The following CCDC92 variants were observed in gnomAD, a reference collection of about 807,000 sequenced individuals.
CCDC92 encodes coiled-coil domain containing 92.
CCDC92 carries 12 observed loss-of-function variants against 24.9 expected under a neutral mutation model. The ratio of observed to expected loss-of-function variants is 0.48; its 90% CI spans 0.31 to 0.78. The LOEUF (loss-of-function observed/expected upper bound fraction) is 0.78, where lower values mean the gene tolerates loss of function less well. Among genes scored for constraint, CCDC92 ranks in the 30% least tolerant of loss-of-function variants. CCDC92 has a pLI of 0.05. For missense variants in CCDC92, 399 were observed against 439.4 expected, an observed-to-expected ratio of 0.91 and a Z score of 0.82; for synonymous variants, 193 against 196.3, an observed-to-expected ratio of 0.98 and a Z score of 0.14.
intron 1 of CCDC92, among the ~76,000 whole-genome samples, chr12:123,964,362 T>A (rs1438597085): frequency 1.3e-5 from 2 of 151,712 alleles, no homozygotes; most frequent in African/African-American, 4.8e-5. Context: ...TCCTTTCATA[T>A]CTATTTTTGT....
chr12:123,937,597 T>G lies in CCDC92; in HGVS notation c.457A>C (p.Ser153Arg), dbSNP rs2137842461. ...LLSSELEQRA[S>R]TIAYLTSQLH... ...TGGGAGGTCAGGTAGGCGATGGTGC[T>G]GGCCCGCTGCTCCAGCTCGCTAGAC... is the stretch of plus-strand genomic sequence containing the variant. The change falls in exon 5 of 5, where the codon AGC becomes CGC. Residue 153 changes from serine (S) to arginine (R), a missense_variant. By Grantham distance (110) the Ser-to-Arg change is moderately radical (BLOSUM62 -1). Coordinates refer to ENST00000238156, the MANE Select transcript of CCDC92 (RefSeq NM_025140.3). The surrounding 1 kb of genome is among the most constrained non-coding windows in gnomAD (Gnocchi z 8.4). The G allele has an allele frequency of 1.9e-6, 3 of 1,613,534 alleles. No homozygotes were observed. Among genetic ancestry groups the G allele is most frequent in the Non-Finnish European group, 2.5e-6 (3 of 1,180,022 alleles).
Position 123,961,757 on chromosome 12 carries a change from A to G in CCDC92, c.-60+10772T>C, listed in dbSNP as rs186903727. Among the ~76,000 whole-genome samples, 79 of 152,330 alleles carry G rather than the reference A, an allele frequency of 5.2e-4. 1 individual carries two copies. Among genetic ancestry groups the G allele is most frequent in the Non-Finnish European group, 8.4e-4 (57 of 68,030 alleles). On this transcript the variant is annotated intron_variant, in intron 1 of 4. Transcript: ENST00000238156. ...CACCTTTTACTGAGGGCTCAGTGCC[A>G]GGCGCCATGCTACGTACTTGATCAA...
At chr12:123,962,891 G>GTT (rs756046412) in intron 1 of CCDC92, 4 of 152,170 alleles carry the variant, frequency 2.6e-5, no homozygotes, top group Admixed American at 6.5e-5. Context: ...GAATTAGCGT[G>GTT]TAAGTTTTCT....
intron 4 of CCDC92, 135 bp downstream of exon 4, chr12:123,942,609 T>C (rs1365549195): frequency 4.0e-6 from 3 of 746,792 alleles, no homozygotes; most frequent in Non-Finnish European, 7.3e-6. Flanking sequence ...CATCTTCTCT[T>C]AGAGAGCTCA....
At chr12:123,957,699 C>CTTTTTTT (rs59738995) in intron 1 of CCDC92, among the ~76,000 whole-genome samples, 2 of 75,884 alleles carry the variant, frequency 2.6e-5, no homozygotes, top group Non-Finnish European at 4.8e-5. Flanking sequence ...TTTTTTCCTT[C>CTTTTTTT]TTTTTTTTTT....
chr12:123,953,773 G>T (rs573955846), intron 1 of CCDC92, among the ~76,000 whole-genome samples: 1 of 130,102 alleles, frequency 7.7e-6, no homozygotes, highest in African/African-American at 2.8e-5. Context: ...GCAAGACTCC[G>T]TCTCAAAAAC....
chr12:123,967,033 TG>T (rs1384870531), intron 1 of CCDC92, among the ~76,000 whole-genome samples: 34 of 152,302 alleles, frequency 2.2e-4, no homozygotes, highest in African/African-American at 7.9e-4. Context: ...ACCTCTGAAC[TG>T]GGTCCTGATA....
At chr12:123,966,382 A>G (rs7974706) in intron 1 of CCDC92, 151,775 of 152,340 alleles carry the variant, frequency 1, 75,608 homozygotes, top group Middle Eastern at 1. Flanking sequence ...AGTAGGCTTC[A>G]GAGGCTTCTG....
rs1175813122 is a variant in CCDC92, at chr12:123,936,677, G to A, written c.*381C>T. On this transcript the variant is annotated 3_prime_UTR_variant, in exon 5 of 5. Transcript: ENST00000238156. ...GCTCGGCCAGGCTGCCCTGGAGCTT[G>A]AGGATAAGGTCAAGGTTGGTATGTG... The A allele has an allele frequency of 4.2e-6, 1 of 238,762 alleles. No individual in the cohort carries two copies. Among genetic ancestry groups the A allele is most frequent in the East Asian group, 1.1e-4 (1 of 9,472 alleles). The allele number at this position is 238,762 out of a possible 1,614,324, so 14.8% of individuals were successfully genotyped here.
rs1956587373 is a variant in CCDC92, at chr12:123,972,612, C to T, written c.-143G>A. On this transcript the variant is annotated 5_prime_UTR_variant, in exon 1 of 5. Transcript: ENST00000238156. The stretch of plus-strand genomic sequence containing the variant: ...GGCGGGCGGCGGTGGGGGCCCGTGG[C>T]CCATGGGCTGGGCGGGGCGCGGCGG... The T allele has an allele frequency of 6.7e-6, 1 of 149,868 alleles. No individual in the cohort carries two copies. Among genetic ancestry groups the T allele is most frequent in the South Asian group, 2.0e-4 (1 of 5,084 alleles). 9.3% of individuals were successfully genotyped at this position (149,868 alleles called of 1,614,324 possible). A position where few individuals can be genotyped will look rare whatever the true frequency, so the allele number is the denominator to read the frequency against.
Position 123,937,635 on chromosome 12 carries a change from T to C in CCDC92, c.419A>G (p.Lys140Arg), listed in dbSNP as rs149289004. 2 of 1,613,866 alleles carry C rather than the reference T, an allele frequency of 1.2e-6. No individual in the cohort carries two copies. Among genetic ancestry groups the C allele is most frequent in the African/African-American group, 2.7e-5 (2 of 74,932 alleles). ...YLEELKAKSH[K>R]LTLLSSELEQ... is the part of the protein sequence containing the mutation. ...CAGCTCGCTAGACAGCAGGGTCAGC[T>C]TGTGACTCTTGGCCTTCAGCTCCTC... The change falls in exon 5 of 5, where the codon AAG (lysine) becomes AGG (arginine). Residue 140 changes from lysine to arginine, a missense_variant. Lys to Arg is a conservative substitution (Grantham distance 26). Transcript: ENST00000238156. The surrounding 1 kb of genome is among the most constrained non-coding windows in gnomAD (Gnocchi z 8.4).
intron 1 of CCDC92, among the ~76,000 whole-genome samples, chr12:123,962,057 T>G (rs538289966): frequency 1.3e-5 from 2 of 152,332 alleles, no homozygotes; most frequent in African/African-American, 4.8e-5. Context: ...TCTTTTGCCC[T>G]TTTCTTTCCC....
At chr12:123,962,351 T>C (rs11831913) in intron 1 of CCDC92, among the ~76,000 whole-genome samples, 45,760 of 152,190 alleles carry the variant, frequency 0.3, 6,999 homozygotes, top group Middle Eastern at 0.34. Flanking sequence ...CTGGGCTTTA[T>C]AGATTGTTGC....
chr12:123,942,983 C>T (rs1179936740), intron 3 of CCDC92, among the ~76,000 whole-genome samples, 198 bp from the exon 4 acceptor site: 1 of 152,086 alleles, frequency 6.6e-6, no homozygotes, highest in East Asian at 1.9e-4. Context: ...CAGAGGGCAC[C>T]CTCTGTTCCC....
intron 1 of CCDC92, among the ~76,000 whole-genome samples, chr12:123,949,894 A>G (rs1955980798): frequency 6.6e-6 from 1 of 152,238 alleles, no homozygotes; most frequent in Non-Finnish European, 1.5e-5. Flanking sequence ...GGCCCTATCA[A>G]CAGCTCAAGC....
chr12:123,952,287 A>G (rs554299192), intron 1 of CCDC92, among the ~76,000 whole-genome samples: 11 of 152,374 alleles, frequency 7.2e-5, no homozygotes, highest in Non-Finnish European at 7.3e-5. Flanking sequence ...AATTCCAATT[A>G]CTTCCAAAGA....
chr12:123,964,218 C>T (rs558244447), intron 1 of CCDC92, among the ~76,000 whole-genome samples: 5 of 152,130 alleles, frequency 3.3e-5, no homozygotes, highest in South Asian at 2.1e-4. Context: ...AAAGTTTAAA[C>T]GTAACAGGTA....
At chr12:123,967,245 G>C (rs1411418940) in intron 1 of CCDC92, among the ~76,000 whole-genome samples, 1 of 151,648 alleles carries the variant, frequency 6.6e-6, no homozygotes, top group African/African-American at 2.4e-5. Context: ...GAACGTTCTG[G>C]TCTTGTCATA....
intron 1 of CCDC92, among the ~76,000 whole-genome samples, chr12:123,957,458 T>C (rs1956173397): frequency 6.6e-6 from 1 of 152,202 alleles, no homozygotes; most frequent in Non-Finnish European, 1.5e-5. Context: ...TTTCAGTTGG[T>C]TCTGCCTGGC....
Sources: allele counts gnomAD v4.1 joint callset (sites outside exome capture counted in the v4.1 genomes callset), GRCh38; gene constraint gnomAD v4.1.1; non-coding constraint Gnocchi (gnomAD v3.1); transcripts MANE v1.5; gene names NCBI Gene and HGNC (gene_info 2026-07-23, HGNC 2026-07-21).